ARFGEF1: variants seen among roughly 807,000 people sequenced by gnomAD.
ARFGEF1 encodes the protein ARF guanine nucleotide exchange factor 1.
In ARFGEF1, 42 loss-of-function variants were observed where a neutral mutation model predicts 231.0. The observed-to-expected ratio is 0.18, with a 90% CI of 0.14 to 0.24. The LOEUF is 0.24. Among genes scored for constraint, ARFGEF1 ranks in the 10% least tolerant of loss-of-function variants. The pLI is 1.00. For missense variants in ARFGEF1, 1,345 were observed against 2,192.0 expected, an observed-to-expected ratio of 0.61 and a Z score of 7.72; for synonymous variants, 710 against 732.3, an observed-to-expected ratio of 0.97 and a Z score of 0.49.
chr8:67,234,061 C>T (rs113383635), intron 22 of ARFGEF1, among the ~76,000 whole-genome samples: 3,812 of 152,106 alleles, frequency 0.025, 109 homozygotes, highest in South Asian at 0.047. Flanking sequence ...TTGTACTTTC[C>T]TACCTTACTC....
intron 33 of ARFGEF1, among the ~76,000 whole-genome samples, chr8:67,212,543 T>C (rs1314335439): frequency 1.3e-5 from 2 of 152,196 alleles, no homozygotes; most frequent in Non-Finnish European, 2.9e-5. Context: ...GGGCAATAAA[T>C]GGCAGCTGAC....
intron 35 of ARFGEF1, among the ~76,000 whole-genome samples, chr8:67,204,320 T>C (rs1423711666): frequency 2.6e-5 from 4 of 152,186 alleles, no homozygotes; most frequent in Non-Finnish European, 5.9e-5. Flanking sequence ...TCCAGAGCAT[T>C]TAACAAGCGA....
Position 67,312,321 on chromosome 8 carries a change from G to C in ARFGEF1, c.125-9855C>G, listed in dbSNP as rs144025839. Among the ~76,000 whole-genome samples, 78 of 150,752 alleles carry C rather than the reference G, an allele frequency of 5.2e-4. 1 individual carries two copies. The highest frequency in any genetic ancestry group is 1.8e-3 in the African/African-American group (75 of 41,110). On this transcript the variant is annotated intron_variant, in intron 1 of 38. Transcript: ENST00000262215. ...GACAAAACAATCTTGAAAGCAGGTA[G>C]AAAGAAATGACATAATATCGATAGA...
intron 1 of ARFGEF1, among the ~76,000 whole-genome samples, chr8:67,338,330 T>C (rs1380096904): frequency 6.6e-6 from 1 of 152,176 alleles, no homozygotes; most frequent in Non-Finnish European, 1.5e-5. Flanking sequence ...AGGGTTATTG[T>C]ACTTGTCTTT....
At chr8:67,255,338 C>T (rs1479949303) in intron 17 of ARFGEF1, among the ~76,000 whole-genome samples, 1 of 152,104 alleles carries the variant, frequency 6.6e-6, no homozygotes, top group Non-Finnish European at 1.5e-5. Flanking sequence ...TAAGCTGTGC[C>T]TTATTTAGTG....
intron 29 of ARFGEF1, among the ~76,000 whole-genome samples, chr8:67,220,768 T>C (rs554149451): frequency 2.0e-5 from 3 of 152,308 alleles, no homozygotes; most frequent in East Asian, 3.9e-4. Context: ...TCCAAGTAAC[T>C]GGATGCTGCC....
At chr8:67,315,161 G>C (rs1023672092) in intron 1 of ARFGEF1, among the ~76,000 whole-genome samples, 3 of 152,008 alleles carry the variant, frequency 2.0e-5, no homozygotes, top group Admixed American at 2.0e-4. Flanking sequence ...AAAATGACCA[G>C]AACAAAAGAC....
At position 67,253,596 on chromosome 8, in the gene ARFGEF1, T is replaced by C. The variant is rs1333972771; in HGVS notation, c.2553A>G (p.Gln851=). 3 of 1,520,838 alleles carry C rather than the reference T, an allele frequency of 2.0e-6. No homozygotes were observed. The highest frequency in any genetic ancestry group is 2.7e-6 in the Non-Finnish European group (3 of 1,125,024). The allele number at this position is 1,520,838 out of a possible 1,614,324, so 94.2% of individuals were successfully genotyped here. ...PQVKNKMTKE[Q]YIKMNRGIND... ...TGATACCTCTATTCATCTTAATGTA[T>C]TGTTCCTTTGTCATTTTATTTTTCA... The change falls in exon 18 of 39, where the codon CAA becomes CAG. Residue 851 remains glutamine (Q), a synonymous_variant. Coordinates refer to ENST00000262215, the MANE Select transcript of ARFGEF1 (RefSeq NM_006421.5).
At chr8:67,326,143 A>G (rs1399511200) in intron 1 of ARFGEF1, among the ~76,000 whole-genome samples, 1 of 152,214 alleles carries the variant, frequency 6.6e-6, no homozygotes, top group Non-Finnish European at 1.5e-5. Flanking sequence ...GGGTGCAGTG[A>G]GCTGAGATTG....
chr8:67,191,191 C>G (rs1836136017), intron 5 of ARFGEF1, among the ~76,000 whole-genome samples: 1 of 152,248 alleles, frequency 6.6e-6, no homozygotes, highest in Non-Finnish European at 1.5e-5. Context: ...TCTCCTCACT[C>G]TGCTCCCCAG....
chr8:67,216,476 TA>T (rs1166473079), intron 33 of ARFGEF1, 113 bp downstream of exon 33: 5 of 960,366 alleles, frequency 5.2e-6, no homozygotes, highest in Admixed American at 3.6e-5. Context: ...CAGTCTCAGA[TA>T]TTTTTTTAAT....
chr8:67,280,173 T>C (rs1487313796), intron 7 of ARFGEF1, among the ~76,000 whole-genome samples: 2 of 152,192 alleles, frequency 1.3e-5, no homozygotes, highest in Non-Finnish European at 2.9e-5. Context: ...TATGATTGTT[T>C]TACCACTTGG....
At chr8:67,286,561 T>C (rs2128906689) in intron 7 of ARFGEF1, among the ~76,000 whole-genome samples, 3 of 152,346 alleles carry the variant, frequency 2.0e-5, no homozygotes, top group Admixed American at 2.0e-4. Context: ...TGTCACAGTA[T>C]TATTTTACAT....
At chr8:67,307,586 A>G (rs981443325) in intron 1 of ARFGEF1, among the ~76,000 whole-genome samples, 2 of 152,208 alleles carry the variant, frequency 1.3e-5, no homozygotes, top group African/African-American at 4.8e-5. Context: ...CATTTTCTCA[A>G]TGTGCAGGGG....
At chr8:67,220,037 C>CA (rs533340819) in intron 29 of ARFGEF1, among the ~76,000 whole-genome samples, 28 of 151,764 alleles carry the variant, frequency 1.8e-4, no homozygotes, top group Middle Eastern at 3.4e-3. Flanking sequence ...AAAGGATTTA[C>CA]AAAAAAAAGC....
rs184218591 is a variant in ARFGEF1, at chr8:67,183,914, G to A, written c.561-8342C>T. ...TGTCCCCAGGCTGGAGCGTGATGGC[G>A]TGATCTTGGCTCACTGCAACCTCCG... is the stretch of plus-strand genomic sequence containing the variant. On this transcript the variant is annotated intron_variant, in intron 5 of 5. Coordinates refer to the ARFGEF1 transcript ENST00000518789. 4.1e-3 allele frequency among the ~76,000 whole-genome samples: 590 copies of A among 143,572 alleles called. 7 individuals are homozygous for A. The highest frequency in any genetic ancestry group is 0.039 in the South Asian group (179 of 4,600). 94.2% of individuals were successfully genotyped at this position (143,572 alleles called of 152,430 possible).
chr8:67,229,759 T>A (rs1386322097), intron 23 of ARFGEF1, among the ~76,000 whole-genome samples: 1 of 152,020 alleles, frequency 6.6e-6, no homozygotes. Context: ...TGGAAGGCAA[T>A]GGCTGTAAAC....
chr8:67,332,829 A>G (rs975847561), intron 1 of ARFGEF1, among the ~76,000 whole-genome samples: 2 of 152,164 alleles, frequency 1.3e-5, no homozygotes, highest in African/African-American at 2.4e-5. Flanking sequence ...GTAGGCTCTA[A>G]GGTCATATTC....
At chr8:67,343,138 A>G in intron 1 of ARFGEF1, 26 bp downstream of exon 1, 1 of 323,884 alleles carries the variant, frequency 3.1e-6, no homozygotes, top group Non-Finnish European at 4.6e-6. Context: ...CAAGCACCCC[A>G]TCCCCCGGGC....
Sources: gnomAD v4.1 joint callset for allele counts (sites outside exome capture counted in the v4.1 genomes callset) on GRCh38, gnomAD v4.1.1 for gene constraint, MANE v1.5 for transcripts, NCBI Gene and HGNC (gene_info 2026-07-23, HGNC 2026-07-21) for gene names.